Variants in LOXHD1 observed in about 807,000 individuals in gnomAD.
LOXHD1 encodes lipoxygenase homology domain-containing protein 1.
Under a neutral mutation model 248.2 loss-of-function variants are expected in LOXHD1, and 205 were observed. That is an observed-to-expected ratio of 0.83 (90% CI 0.74 to 0.93). The LOEUF (loss-of-function observed/expected upper bound fraction) is 0.93, where lower values mean the gene tolerates loss of function less well. Among genes scored for constraint, LOXHD1 ranks in the 40% least tolerant of loss-of-function variants. The pLI, the probability that LOXHD1 is intolerant of heterozygous loss-of-function variation, is 0.00. For synonymous variants in LOXHD1, 1,113 were observed against 1,162.8 expected (o/e 0.96, Z 0.87); for missense variants, 2,930 against 2,971.6 (o/e 0.99, Z 0.33).
At chr18:46,625,495 T>TA (rs10692200) in intron 4 of LOXHD1, among the ~76,000 whole-genome samples, 7,086 of 141,344 alleles carry the variant, frequency 0.05, 268 homozygotes, top group East Asian at 0.15. Flanking sequence ...GCTGATGAGC[T>TA]AAAAAAAAAA....
chr18:46,522,602 G>A lies in LOXHD1; in HGVS notation c.4877-293C>T, dbSNP rs576599891. Among the ~76,000 whole-genome samples, 208 of 152,190 alleles carry A rather than the reference G, an allele frequency of 1.4e-3. 1 individual carries two copies. The highest frequency in any genetic ancestry group is 2.5e-3 in the Non-Finnish European group (171 of 68,040). On this transcript the variant is annotated intron_variant, in intron 31 of 40. Transcript: ENST00000642948. ...TGACCAATTATCCTACTTGAACCTAGCACTATTATGTGAAGGAGGGTAAGA... is the reference window on the plus strand; with the variant it reads ...TGACCAATTATCCTACTTGAACCTAACACTATTATGTGAAGGAGGGTAAGA...
chr18:46,571,427 ACCAC>A (rs1483932179), intron 15 of LOXHD1, among the ~76,000 whole-genome samples: 1 of 152,212 alleles, frequency 6.6e-6, no homozygotes. Context: ...CCAAAATCAC[ACCAC>A]TGCACTCCAG....
rs575646950 is a variant in LOXHD1 at position 46,596,167 on chromosome 18, A to C, written c.1135-1701T>G. 4.0e-5 allele frequency among the ~76,000 whole-genome samples: 6 copies of C among 150,210 alleles called. No individual in the cohort carries two copies. The East Asian group carries it at 9.7e-4, about 24-fold the overall frequency. Reference sequence around the variant, plus strand: ...AAAAACTATTTTGTCATTATCTTTAAAAATAATTTAGTGTAATTCATATAT... The same window carrying C: ...AAAAACTATTTTGTCATTATCTTTACAAATAATTTAGTGTAATTCATATAT... On this transcript the variant is annotated intron_variant, in intron 8 of 40. Transcript: ENST00000642948.
chr18:46,600,759 A>G (rs2038324276), intron 8 of LOXHD1, among the ~76,000 whole-genome samples: 2 of 152,230 alleles, frequency 1.3e-5, no homozygotes, highest in Admixed American at 1.3e-4. Flanking sequence ...GGAGTTTAAA[A>G]GCATCACGAA....
intron 37 of LOXHD1, among the ~76,000 whole-genome samples, chr18:46,502,264 A>G (rs1232146686): frequency 6.6e-6 from 1 of 152,180 alleles, no homozygotes; most frequent in Non-Finnish European, 1.5e-5. Flanking sequence ...GGAAGGGTAC[A>G]GTATGGAGGC....
At chr18:46,578,658 C>A (rs1448715724) in intron 13 of LOXHD1, among the ~76,000 whole-genome samples, 1 of 152,166 alleles carries the variant, frequency 6.6e-6, no homozygotes, top group Non-Finnish European at 1.5e-5. Flanking sequence ...CCTGACCTCA[C>A]CAAGGAAGTC....
chr18:46,609,061 T>C (rs1211685305), intron 6 of LOXHD1, among the ~76,000 whole-genome samples: 1 of 152,226 alleles, frequency 6.6e-6, no homozygotes, highest in Non-Finnish European at 1.5e-5. Flanking sequence ...TTTTTCAAAA[T>C]AAGGCATCAT....
intron 21 of LOXHD1, among the ~76,000 whole-genome samples, chr18:46,553,198 C>T (rs1598986765): frequency 6.6e-6 from 1 of 152,230 alleles, no homozygotes; most frequent in African/African-American, 2.4e-5. Flanking sequence ...TCCATGTTAA[C>T]TAATTGGACT....
At chr18:46,546,119 T>G (rs1399223358) in intron 22 of LOXHD1, among the ~76,000 whole-genome samples, 1 of 151,996 alleles carries the variant, frequency 6.6e-6, no homozygotes, top group East Asian at 1.9e-4. Flanking sequence ...GGAGCCCCAT[T>G]CTGACTCCTC....
Position 46,569,499 on chromosome 18 carries a change from G to A in LOXHD1, c.2187C>T (p.Asp729=). 6.4e-7 allele frequency: 1 copy of A among 1,552,184 alleles called. No homozygotes were observed. The highest frequency in any genetic ancestry group is 8.7e-7 in the Non-Finnish European group (1 of 1,147,084). ...CATCCACCCGGCCACGTTCAAAGTA[G>A]TCTTTGAGGTTGTTGTCAGAGACAA... ...VLLVSDNNLK[D]YFERGRVDEF... The change falls in exon 16 of 41, where the codon GAC becomes GAT. Residue 729 remains aspartate (D), a synonymous_variant. Coordinates refer to ENST00000642948, the MANE Select transcript of LOXHD1 (RefSeq NM_001384474.1).
In LOXHD1 at chr18:46,642,041, A is replaced by G. The variant is rs1453735142; in HGVS notation, c.246-5T>C. The G allele has an allele frequency of 1.3e-6, 2 of 1,552,038 alleles. No individual in the cohort carries two copies. The highest frequency in any genetic ancestry group is 2.7e-5 in the African/African-American group (2 of 73,066). ...TTCTCAAAGGCAGACTTGCTCCTGC[A>G]ATGAACACGTGCAGTTAGTGCAGAT... On this transcript the variant is annotated splice_region_variant and splice_polypyrimidine_tract_variant and intron_variant, in intron 2 of 40. Coordinates refer to ENST00000642948, the MANE Select transcript of LOXHD1 (RefSeq NM_001384474.1).
At position 46,536,339 on chromosome 18, in the gene LOXHD1, G is replaced by T. The variant is rs1275328601; in HGVS notation, c.4095+1817C>A. Reference sequence around the variant, plus strand: ...TGGCTGAGCCAGAATCAGATCCAGGGTTACCGACTCCGCAATTCAGCGTTT... The same window carrying T: ...TGGCTGAGCCAGAATCAGATCCAGGTTTACCGACTCCGCAATTCAGCGTTT... On this transcript the variant is annotated intron_variant, in intron 26 of 40. Transcript: ENST00000642948. Among the ~76,000 whole-genome samples the T allele has an allele frequency of 2.0e-5, 3 of 151,982 alleles. No individual in the cohort carries two copies. The East Asian group carries it at 5.8e-4, about 29-fold the overall frequency.
chr18:46,597,864 C>T (rs2038280755), intron 8 of LOXHD1, among the ~76,000 whole-genome samples: 1 of 151,542 alleles, frequency 6.6e-6, no homozygotes, highest in African/African-American at 2.4e-5. Context: ...TCATGCTGTT[C>T]TCCTGTCTCA....
chr18:46,578,203 C>T (rs936117614), intron 13 of LOXHD1, among the ~76,000 whole-genome samples: 2 of 152,224 alleles, frequency 1.3e-5, no homozygotes, highest in Non-Finnish European at 1.5e-5. Flanking sequence ...TAGAGGGATA[C>T]TGGGCCCCTT....
chr18:46,596,449 C>A (rs1426133534), intron 8 of LOXHD1, among the ~76,000 whole-genome samples: 1 of 152,114 alleles, frequency 6.6e-6, no homozygotes. Flanking sequence ...ACTCAGAGAC[C>A]AGGAAACTAA....
At chr18:46,478,092 T>A in intron 40 of LOXHD1, 140 bp from the exon 41 acceptor site, 1 of 1,126,282 alleles carries the variant, frequency 8.9e-7, no homozygotes, top group Non-Finnish European at 1.2e-6. Context: ...AATGTTGGTT[T>A]AAATGTGCGT....
intron 6 of LOXHD1, among the ~76,000 whole-genome samples, chr18:46,605,617 A>G (rs2038401956): frequency 6.6e-6 from 1 of 152,212 alleles, no homozygotes; most frequent in Non-Finnish European, 1.5e-5. Context: ...CAATAGGAAA[A>G]AGAAAAGAAA....
At chr18:46,638,305 TATAATCAGAGAAAAG>T (rs1222758410) in intron 4 of LOXHD1, among the ~76,000 whole-genome samples, 1 of 152,284 alleles carries the variant, frequency 6.6e-6, no homozygotes, top group Non-Finnish European at 1.5e-5. Flanking sequence ...ATTTGGTTTC[TATAATCAGAGAAAAG>T]ATCAATAATG....
intron 6 of LOXHD1, among the ~76,000 whole-genome samples, chr18:46,605,718 T>C (rs1203615384): frequency 6.6e-6 from 1 of 152,072 alleles, no homozygotes; most frequent in Non-Finnish European, 1.5e-5. Flanking sequence ...GGATGTGAGA[T>C]GGGAGTTCGG....
Sources: gnomAD v4.1 joint callset for allele counts (sites outside exome capture counted in the v4.1 genomes callset) on GRCh38, gnomAD v4.1.1 for gene constraint, MANE v1.5 for transcripts, NCBI Gene and HGNC (gene_info 2026-07-23, HGNC 2026-07-21) for gene names.